Variants in MPDZ observed in about 807,000 individuals in gnomAD.
The protein encoded by MPDZ is multiple PDZ domain crumbs cell polarity complex component.
A neutral mutation model predicts 239.1 loss-of-function variants in MPDZ; 234 were observed. That is an observed-to-expected ratio of 0.98 (90% confidence interval 0.88 to 1.09). The LOEUF is 1.09. Among genes scored for constraint, MPDZ ranks in the 50% least tolerant of loss-of-function variants. The probability of loss-of-function intolerance (pLI) is 0.00; values close to 1 mark genes in which losing one functional copy is unlikely to be tolerated. For missense variants in MPDZ, 3,175 were observed against 2,510.0 expected (o/e 1.26, Z -5.66); for synonymous variants, 1,048 against 881.3 (o/e 1.19, Z -3.35).
Position 13,175,757 on chromosome 9 carries a change from C to T in MPDZ, c.3050G>A (p.Ser1017Asn). 6.4e-7 allele frequency: 1 copy of T among 1,568,988 alleles called. No homozygotes were observed. Among genetic ancestry groups the T allele is most frequent in the Non-Finnish European group, 8.7e-7 (1 of 1,155,046 alleles). Residue 1017 changes from serine to asparagine, a missense_variant, in exon 21 of 47, where the codon AGC (serine) becomes AAC (asparagine). Ser to Asn is a conservative substitution (Grantham distance 46). Coordinates refer to ENST00000319217, the MANE Select transcript of MPDZ (RefSeq NM_001378778.1). ...GAGGAAAATGAGAAACTTACCTAGG[C>T]TAGAATTGCCTTTTGCTATATTAAT... The part of the protein sequence containing the change: ...RTINIAKGNS[S>N]LGMTVSANKD...
At chr9:13,107,785 C>T (rs780828635) in intron 46 of MPDZ, among the ~76,000 whole-genome samples, 131 of 152,088 alleles carry the variant, frequency 8.6e-4, no homozygotes, top group Non-Finnish European at 1.4e-3. Context: ...CATCTTAAAG[C>T]ACGCTTATAG....
chr9:13,144,265 G>A (rs1188248990), intron 26 of MPDZ, among the ~76,000 whole-genome samples: 1 of 151,876 alleles, frequency 6.6e-6, no homozygotes, highest in African/African-American at 2.4e-5. Flanking sequence ...AATTTATGAG[G>A]CTTTAGATAA....
rs191352048 is a variant in MPDZ, at chr9:13,114,959, G to C, written c.5466+289C>G. On this transcript the variant is annotated intron_variant, in intron 40 of 46. Coordinates refer to ENST00000319217, the MANE Select transcript of MPDZ (RefSeq NM_001378778.1). ...TAATAAAAAATTTGTTATCTTGGTA[G>C]GCTTTACAATTAGGTAGTTACCTTT... Among the ~76,000 whole-genome samples the C allele has an allele frequency of 8.1e-4, 123 of 152,164 alleles. 1 individual carries two copies. The highest frequency in any genetic ancestry group is 2.8e-3 in the African/African-American group (118 of 41,520).
At chr9:13,179,017 A>G (rs1006868470) in intron 19 of MPDZ, among the ~76,000 whole-genome samples, 1 of 152,114 alleles carries the variant, frequency 6.6e-6, no homozygotes, top group Non-Finnish European at 1.5e-5. Flanking sequence ...ACTTTTTTCT[A>G]AACGGGTAAT....
chr9:13,141,018 G>A (rs1269498250), intron 27 of MPDZ: 1 of 150,746 alleles, frequency 6.6e-6, no homozygotes, highest in Non-Finnish European at 1.5e-5. Flanking sequence ...CAAGATAAAT[G>A]AGGAAACACA....
intron 2 of MPDZ, among the ~76,000 whole-genome samples, chr9:13,248,926 T>C (rs1370033137): frequency 1.7e-5 from 2 of 119,782 alleles, no homozygotes; most frequent in Admixed American, 1.1e-4. Context: ...TGAGCCGAGA[T>C]CATACCACTA....
intron 12 of MPDZ, among the ~76,000 whole-genome samples, chr9:13,198,986 G>C (rs557316603): frequency 1.3e-5 from 2 of 151,686 alleles, no homozygotes; most frequent in Admixed American, 6.6e-5. Flanking sequence ...TCTTTTGGTA[G>C]TACGGATATT....
chr9:13,212,493 A>G (rs1957738644), intron 10 of MPDZ, among the ~76,000 whole-genome samples: 1 of 151,978 alleles, frequency 6.6e-6, no homozygotes, highest in Non-Finnish European at 1.5e-5. Context: ...TTTTTGTTCA[A>G]TATAATCACA....
intron 3 of MPDZ, among the ~76,000 whole-genome samples, chr9:13,241,987 C>T (rs1293924218): frequency 1.3e-5 from 2 of 152,008 alleles, no homozygotes; most frequent in Non-Finnish European, 2.9e-5. Flanking sequence ...CTAGAATTTG[C>T]TCCTGTTTTG....
intron 1 of MPDZ, among the ~76,000 whole-genome samples, chr9:13,265,462 G>T (rs1202392332): frequency 2.0e-5 from 3 of 152,148 alleles, no homozygotes; most frequent in Non-Finnish European, 2.9e-5. Flanking sequence ...CCAACTACTG[G>T]GGAGGCTGAG....
chr9:13,157,416 T>G (rs1290146885), intron 24 of MPDZ, among the ~76,000 whole-genome samples: 1 of 152,202 alleles, frequency 6.6e-6, no homozygotes, highest in African/African-American at 2.4e-5. Flanking sequence ...GCTTTAAGTC[T>G]AGGTCCATAA....
At chr9:13,136,623 G>C in intron 30 of MPDZ, 89 bp downstream of exon 30, 4 of 916,640 alleles carry the variant, frequency 4.4e-6, no homozygotes, top group Non-Finnish European at 6.8e-6. Flanking sequence ...AGCATGCCCG[G>C]CTACAAATGT....
rs1487686439 is a variant in MPDZ at position 13,143,453 on chromosome 9, G to T, written c.3840+13C>A. The T allele has an allele frequency of 6.3e-7, 1 of 1,592,348 alleles. No homozygotes were observed. Among genetic ancestry groups the T allele is most frequent in the Middle Eastern group, 1.7e-4 (1 of 6,000 alleles). ...AAAGGCAACCAACAGCAAGACAATG[G>T]GCATTATCCAACCTTGTCGGCGTTG... is the stretch of plus-strand genomic sequence containing the variant. On this transcript the variant is annotated intron_variant, in intron 27 of 46. Transcript: ENST00000319217.
At chr9:13,215,916 C>G (rs1478974327) in intron 10 of MPDZ, among the ~76,000 whole-genome samples, 1 of 141,650 alleles carries the variant, frequency 7.1e-6, no homozygotes, top group South Asian at 2.3e-4. Flanking sequence ...TACAGGCAGA[C>G]AACATCATGC....
intron 46 of MPDZ, among the ~76,000 whole-genome samples, chr9:13,107,667 C>T (rs867112663): frequency 6.6e-6 from 1 of 152,236 alleles, no homozygotes; most frequent in Admixed American, 6.5e-5. Flanking sequence ...AAAAGCTATT[C>T]AAGCTGTCTT....
chr9:13,237,893 C>T (rs1588034474), intron 3 of MPDZ, among the ~76,000 whole-genome samples: 3 of 151,736 alleles, frequency 2.0e-5, no homozygotes, highest in African/African-American at 7.3e-5. Context: ...TTCAAATTTT[C>T]CAAATGACCA....
chr9:13,211,261 G>A (rs1312522737), intron 10 of MPDZ, among the ~76,000 whole-genome samples: 2 of 152,072 alleles, frequency 1.3e-5, no homozygotes, highest in East Asian at 1.9e-4. Context: ...CTAGGGGAAA[G>A]GGAAGAACCT....
At chr9:13,256,766 G>A (rs1287459699) in intron 1 of MPDZ, among the ~76,000 whole-genome samples, 3 of 151,908 alleles carry the variant, frequency 2.0e-5, no homozygotes, top group Non-Finnish European at 2.9e-5. Flanking sequence ...AATAATAAAG[G>A]GCATGAAATA....
chr9:13,245,833 G>C (rs953123997), intron 3 of MPDZ, among the ~76,000 whole-genome samples: 4 of 152,052 alleles, frequency 2.6e-5, no homozygotes, highest in African/African-American at 9.7e-5. Flanking sequence ...AGCTTAATAG[G>C]CCGGCCTATT....
Sources: allele counts gnomAD v4.1 joint callset (sites outside exome capture counted in the v4.1 genomes callset), GRCh38; gene constraint gnomAD v4.1.1; transcripts MANE v1.5; gene names NCBI Gene and HGNC (gene_info 2026-07-23, HGNC 2026-07-21).